The following PCYT1A variants were observed in gnomAD, a reference collection of about 807,000 sequenced individuals.
PCYT1A encodes choline-phosphate cytidylyltransferase A.
PCYT1A carries 25 observed loss-of-function variants against 43.7 expected under a neutral mutation model. That is an observed-to-expected ratio of 0.57 (90% CI 0.42 to 0.80). The LOEUF is 0.80. Ranked by LOEUF, PCYT1A falls within the 30% of genes least tolerant of loss-of-function variation. The pLI is 0.00. For missense variants in PCYT1A, 421 were observed against 474.2 expected (o/e 0.89, Z 1.04); for synonymous variants, 172 against 170.7 (o/e 1.01, Z -0.06).
At chr3:196,243,960 T>A (rs1350213373) in intron 5 of PCYT1A, among the ~76,000 whole-genome samples, 1 of 152,164 alleles carries the variant, frequency 6.6e-6, no homozygotes, top group Non-Finnish European at 1.5e-5. Context: ...CGCCACCCCG[T>A]CTGGGAAGTG....
intron 3 of PCYT1A, among the ~76,000 whole-genome samples, chr3:196,249,154 A>AT (rs1245573310): frequency 2.0e-4 from 30 of 147,296 alleles, no homozygotes; most frequent in Non-Finnish European, 2.6e-4. Flanking sequence ...AGACCTTTTC[A>AT]TTTTTTTTTT....
At chr3:196,250,423 A>G (rs2108767893) in intron 3 of PCYT1A, 1 of 179,314 alleles carries the variant, frequency 5.6e-6, no homozygotes, top group South Asian at 9.2e-5. Flanking sequence ...TGAGGATCAG[A>G]TACACTATGC....
intron 1 of PCYT1A, among the ~76,000 whole-genome samples, chr3:196,285,780 T>A (rs1725894099): frequency 6.6e-6 from 1 of 152,172 alleles, no homozygotes; most frequent in African/African-American, 2.4e-5. Context: ...TGGTCATAGT[T>A]TACTGCTATT....
Position 196,235,662 on chromosome 3 carries a change from G to C in PCYT1A, c.*3026C>G, listed in dbSNP as rs566171417. On this transcript the variant is annotated 3_prime_UTR_variant, in exon 9 of 9. Coordinates refer to ENST00000431016, the MANE Select transcript of PCYT1A (RefSeq NM_001312673.2). The surrounding 1 kb of genome is among the most constrained non-coding windows in gnomAD (Gnocchi z 4.3). ...CTGGCCTTCTAATGTCTCACACACA[G>C]AGGCTCTGCTCTAAGGCCAACACTT... 6.6e-6 allele frequency: 1 copy of C among 152,392 alleles called. No individual in the cohort carries two copies. The highest frequency in any genetic ancestry group is 1.9e-4 in the East Asian group (1 of 5,180). 9.4% of individuals were successfully genotyped at this position (152,392 alleles called of 1,614,324 possible).
intron 1 of PCYT1A, among the ~76,000 whole-genome samples, chr3:196,286,806 A>C (rs565809550): frequency 1.3e-5 from 2 of 152,248 alleles, no homozygotes; most frequent in South Asian, 4.1e-4. Context: ...CCCAGCTACT[A>C]GGGAGGCTGA....
rs1724120286 is a variant in PCYT1A, at chr3:196,234,873, G to T, written c.*3815C>A. On this transcript the variant is annotated 3_prime_UTR_variant, in exon 9 of 9. Coordinates refer to ENST00000431016, the MANE Select transcript of PCYT1A (RefSeq NM_001312673.2). ...TCCGATGGCAGTCTATTCTATGAGA[G>T]AAAACAAGAACAATCATTGTTATGA... 1 of 152,126 alleles carries T rather than the reference G, an allele frequency of 6.6e-6. No individual in the cohort carries two copies. The highest frequency in any genetic ancestry group is 1.5e-5 in the Non-Finnish European group (1 of 68,026). The allele number at this position is 152,126 out of a possible 1,614,324, so 9.4% of individuals were successfully genotyped here. A position where few individuals can be genotyped will look rare whatever the true frequency, so the allele number is the denominator to read the frequency against.
intron 7 of PCYT1A, chr3:196,241,393 C>A: frequency 2.0e-6 from 1 of 507,572 alleles, no homozygotes; most frequent in African/African-American, 2.0e-5. Context: ...GCTATGTTGC[C>A]CCCAGACTGG....
chr3:196,241,125 C>T (rs1724334612), intron 7 of PCYT1A, among the ~76,000 whole-genome samples: 1 of 110,112 alleles, frequency 9.1e-6, no homozygotes, highest in African/African-American at 3.4e-5. Flanking sequence ...AAAACCCCAT[C>T]TCTGCTAAAA....
chr3:196,242,034 G>A lies in PCYT1A; in HGVS notation c.622C>T (p.Arg208Ter), dbSNP rs747258330. The change falls in exon 7 of 9, where the codon CGA becomes TGA. Residue 208 changes from arginine (R) to a stop codon, truncating the protein, a stop_gained. Coordinates refer to ENST00000431016, the MANE Select transcript of PCYT1A (RefSeq NM_001312673.2). LOFTEE classifies it high-confidence loss of function. The surrounding 1 kb of genome is among the most constrained non-coding windows in gnomAD (Gnocchi z 4.2). ...TACACATCATAATCCCGCACAATTC[G>A]GGTGATGATGTCTGATGTGGAGATA... ...EGISTSDIIT[R>*]IVRDYDVYAR... 9.9e-6 allele frequency: 16 copies of A among 1,613,958 alleles called. No individual in the cohort carries two copies. The highest frequency in any genetic ancestry group is 1.3e-5 in the African/African-American group (1 of 74,918).
chr3:196,240,046 A>C, intron 7 of PCYT1A: 2 of 304,876 alleles, frequency 6.6e-6, no homozygotes, highest in Admixed American at 4.6e-5. Flanking sequence ...GAACATAAAC[A>C]TGCGCAGCAT....
At chr3:196,267,248 A>G (rs1312255857) in intron 2 of PCYT1A, 1 of 445,742 alleles carries the variant, frequency 2.2e-6, no homozygotes, top group Non-Finnish European at 4.5e-6. Flanking sequence ...AAACAAGCTC[A>G]GTGAAAGAAG....
intron 8 of PCYT1A, among the ~76,000 whole-genome samples, chr3:196,239,199 T>C (rs993512248): frequency 6.6e-6 from 1 of 152,256 alleles, no homozygotes. Context: ...CTGGGGTTCC[T>C]GCTGCAGCTA....
At position 196,252,111 on chromosome 3, in the gene PCYT1A, C is replaced by CGCACCCCGCCACGCCCCACTGGCTACAGT. The variant is rs1560167311; in HGVS notation, c.218-3817_218-3789dup. 4.6e-5 allele frequency among the ~76,000 whole-genome samples: 7 copies of CGCACCCCGCCACGCCCCACTGGCTACAGT among 151,702 alleles called. No homozygotes were observed. Among genetic ancestry groups the CGCACCCCGCCACGCCCCACTGGCTACAGT allele is most frequent in the African/African-American group, 9.7e-5 (4 of 41,318 alleles). ...CCCCGCCACGCCCCGCAGACTACAG[C>CGCACCCCGCCACGCCCCACTGGCTACAGT]GCACCCCGCCACGCCCCACTGGCTA... is the stretch of plus-strand genomic sequence containing the variant. On this transcript the variant is annotated intron_variant, in intron 3 of 8. Transcript: ENST00000431016. This position sits in a 1 kb window ranked among gnomAD's most constrained non-coding sequence, Gnocchi z 4.0.
chr3:196,248,104 C>T (rs1475507776), intron 4 of PCYT1A, 103 bp downstream of exon 4: 1 of 734,924 alleles, frequency 1.4e-6, no homozygotes, highest in East Asian at 2.5e-5. Context: ...CTACATCCTT[C>T]ATTTAAAAAT....
rs772648306 is a variant in PCYT1A, at chr3:196,270,521, T to C, written c.11A>G (p.Gln4Arg). ...CCTTGCATTGACCTTGGCTGAACAC[T>C]GTGCATCCATCTTCTTTTAACTGGT... is the stretch of plus-strand genomic sequence containing the variant. MDA[Q>R]CSAKVNARKR... Residue 4 changes from glutamine to arginine, a missense_variant, in exon 2 of 9, where the codon CAG (glutamine) becomes CGG (arginine). By Grantham distance (43) the Gln-to-Arg change is conservative. Coordinates refer to ENST00000431016, the MANE Select transcript of PCYT1A (RefSeq NM_001312673.2). 1.2e-6 allele frequency: 2 copies of C among 1,612,910 alleles called. No homozygotes were observed. Among genetic ancestry groups the C allele is most frequent in the African/African-American group, 1.3e-5 (1 of 74,914 alleles).
intron 1 of PCYT1A, among the ~76,000 whole-genome samples, chr3:196,279,350 A>G (rs1429280747): frequency 1.3e-5 from 2 of 151,902 alleles, no homozygotes; most frequent in African/African-American, 4.8e-5. Context: ...GATCTTTCCA[A>G]CTGCTGCCTA....
At position 196,257,880 on chromosome 3, in the gene PCYT1A, C is replaced by T. The variant is rs771223117; in HGVS notation, c.125G>A (p.Arg42Gln). Residue 42 changes from arginine (R) to glutamine (Q), a missense_variant, in exon 3 of 9, where the codon CGG (arginine) becomes CAG (glutamine). By Grantham distance (43) the Arg-to-Gln change is conservative (BLOSUM62 1). This residue lies in a region of PCYT1A where 139 missense variants were observed against 117.7 expected (regional missense o/e 1.18). Transcript: ENST00000431016. ...SKVQRCAVGL[R>Q]QPAPFSDEIE... ...TTCATCAGAAAAAGGAGCTGGTTGC[C>T]GTAAGCCCTTAAGAAATGGAAAGTG... 16 of 1,609,630 alleles carry T rather than the reference C, an allele frequency of 9.9e-6. No individual in the cohort carries two copies. The Admixed American group carries it at 1.7e-4, about 17-fold the overall frequency.
At chr3:196,245,991 G>A (rs920600196) in intron 5 of PCYT1A, among the ~76,000 whole-genome samples, 2 of 151,694 alleles carry the variant, frequency 1.3e-5, no homozygotes, top group African/African-American at 4.8e-5. Context: ...AAAACTCAAG[G>A]TTGAGTATAT....
At chr3:196,248,182 C>G (rs372666799) in intron 4 of PCYT1A, 25 bp downstream of exon 4, 24 of 1,263,156 alleles carry the variant, frequency 1.9e-5, no homozygotes, top group Non-Finnish European at 2.8e-5. Flanking sequence ...TGCACAGCAC[C>G]TGAAGTCACC....
Sources: allele counts gnomAD v4.1 joint callset (sites outside exome capture counted in the v4.1 genomes callset), GRCh38; gene constraint gnomAD v4.1.1; regional missense constraint gnomAD v4.1.1; non-coding constraint Gnocchi (gnomAD v3.1); transcripts MANE v1.5; gene names NCBI Gene and HGNC (gene_info 2026-07-23, HGNC 2026-07-21).